GPR176: variants seen among roughly 807,000 people sequenced by gnomAD.
GPR176 encodes the protein G protein-coupled receptor 176.
In GPR176, 26 loss-of-function variants were observed where a neutral mutation model predicts 35.4. The ratio of observed to expected loss-of-function variants is 0.74; its 90% confidence interval spans 0.54 to 1.02. GPR176 has a LOEUF of 1.02. Among genes scored for constraint, GPR176 ranks in the 50% least tolerant of loss-of-function variants. The probability of loss-of-function intolerance (pLI) is 0.00; values close to 1 mark genes in which losing one functional copy is unlikely to be tolerated. For missense variants in GPR176, 597 were observed against 665.3 expected, an observed-to-expected ratio of 0.90 and a Z score of 1.13; for synonymous variants, 278 against 271.3, an observed-to-expected ratio of 1.02 and a Z score of -0.24.
At position 39,801,502 on chromosome 15, in the gene GPR176, T is replaced by G. The variant is rs1439206708; in HGVS notation, c.1178A>C (p.Lys393Thr). 1 of 1,614,056 alleles carries G rather than the reference T, an allele frequency of 6.2e-7. No homozygotes were observed. The highest frequency in any genetic ancestry group is 8.5e-7 in the Non-Finnish European group (1 of 1,180,018). The change falls in exon 3 of 3, where the codon AAG (lysine) becomes ACG (threonine). Residue 393 changes from lysine to threonine, a missense_variant. Physicochemically the swap from Lys to Thr is moderately conservative, Grantham distance 78 (BLOSUM62 -1). This residue lies in a region of GPR176 where 251 missense variants were observed against 255.4 expected (regional missense o/e 0.98). Transcript: ENST00000561100. ...PTEDEEESEA[K>T]YIGSADFQAK... The stretch of plus-strand genomic sequence containing the variant: ...CTGGAAGTCAGCTGAGCCAATGTAC[T>G]TGGCCTCACTCTCTTCCTCATCCTC...
intron 1 of GPR176, among the ~76,000 whole-genome samples, chr15:39,893,720 G>A (rs2032964612): frequency 6.6e-6 from 1 of 150,856 alleles, no homozygotes; most frequent in Admixed American, 6.6e-5. Context: ...GGGGCGGCTG[G>A]CCGGGCGGGG....
intron 1 of GPR176, among the ~76,000 whole-genome samples, chr15:39,895,057 G>C (rs572983967): frequency 2.0e-5 from 3 of 152,310 alleles, no homozygotes; most frequent in Non-Finnish European, 2.9e-5. Flanking sequence ...AGCGAAACCC[G>C]GTCTCCACCA....
chr15:39,857,812 C>A (rs1287758413), intron 1 of GPR176, among the ~76,000 whole-genome samples: 3 of 149,588 alleles, frequency 2.0e-5, no homozygotes, highest in Non-Finnish European at 3.0e-5. Flanking sequence ...ACTAAAAATA[C>A]AAAAAAAAAT....
intron 1 of GPR176, among the ~76,000 whole-genome samples, chr15:39,821,071 G>A (rs576763045): frequency 9.9e-5 from 15 of 152,106 alleles, no homozygotes; most frequent in East Asian, 1.9e-4. Flanking sequence ...CAGAGAATTC[G>A]CCTAACATTT....
intron 1 of GPR176, among the ~76,000 whole-genome samples, chr15:39,870,083 C>T (rs1470168093): frequency 6.6e-6 from 1 of 152,144 alleles, no homozygotes; most frequent in Non-Finnish European, 1.5e-5. Context: ...TGTTTCCTTG[C>T]TGTTCTGCTT....
At chr15:39,860,260 C>T (rs1488097152) in intron 1 of GPR176, among the ~76,000 whole-genome samples, 2 of 152,192 alleles carry the variant, frequency 1.3e-5, no homozygotes, top group African/African-American at 4.8e-5. Flanking sequence ...TGGTAAAGGC[C>T]GGGGTTCAGG....
intron 1 of GPR176, among the ~76,000 whole-genome samples, chr15:39,907,271 G>C (rs144994161): frequency 1.3e-5 from 2 of 152,154 alleles, no homozygotes; most frequent in Non-Finnish European, 2.9e-5. Context: ...CCTCTTGCTC[G>C]GTGCCTTCTG....
At chr15:39,888,725 T>C (rs1476579300) in intron 1 of GPR176, among the ~76,000 whole-genome samples, 2 of 152,150 alleles carry the variant, frequency 1.3e-5, no homozygotes, top group Non-Finnish European at 2.9e-5. Context: ...ACCATCAGAG[T>C]AGCCTCATCA....
chr15:39,859,144 T>C (rs1466478117), intron 1 of GPR176, among the ~76,000 whole-genome samples: 2 of 152,106 alleles, frequency 1.3e-5, no homozygotes, highest in African/African-American at 4.8e-5. Context: ...AGAAAAATCT[T>C]TAAAAGATTA....
chr15:39,911,803 A>T (rs2140878373), intron 1 of GPR176, among the ~76,000 whole-genome samples: 1 of 152,304 alleles, frequency 6.6e-6, no homozygotes, highest in African/African-American at 2.4e-5. Context: ...TTCATGATAC[A>T]ATTTTAGTAG....
intron 1 of GPR176, among the ~76,000 whole-genome samples, chr15:39,913,822 A>G (rs2033646299): frequency 6.6e-6 from 1 of 152,168 alleles, no homozygotes; most frequent in Non-Finnish European, 1.5e-5. Context: ...CAAGGCAGGC[A>G]GATCACAAGG....
At chr15:39,835,610 C>G (rs1053516894) in intron 1 of GPR176, among the ~76,000 whole-genome samples, 15 of 152,196 alleles carry the variant, frequency 9.9e-5, no homozygotes, top group African/African-American at 3.4e-4. Flanking sequence ...GCTAGAGCTC[C>G]AGCAAAATAT....
chr15:39,920,171 A>C lies in GPR176; in HGVS notation c.-145T>G. 2.0e-6 allele frequency: 1 copy of C among 488,942 alleles called. No homozygotes were observed. The highest frequency in any genetic ancestry group is 2.0e-5 in the African/African-American group (1 of 50,254). The allele number at this position is 488,942 out of a possible 1,614,324, so 30.3% of individuals were successfully genotyped here. On this transcript the variant is annotated 5_prime_UTR_variant, in exon 1 of 3. Transcript: ENST00000561100. ...AGCCGACGGGTCCCCTCACGTCTCC[A>C]CATCGCCAACCCCGGCGCCCGGGAG...
intron 1 of GPR176, among the ~76,000 whole-genome samples, chr15:39,820,372 G>A (rs1170009170): frequency 6.6e-6 from 1 of 152,156 alleles, no homozygotes; most frequent in East Asian, 1.9e-4. Flanking sequence ...ATGAGTTATA[G>A]CTCACAGGCC....
chr15:39,913,913 GT>G (rs1052560817), intron 1 of GPR176, among the ~76,000 whole-genome samples: 1 of 152,156 alleles, frequency 6.6e-6, no homozygotes, highest in Non-Finnish European at 1.5e-5. Flanking sequence ...GGGCATGGTG[GT>G]GGGTGCCTGT....
intron 1 of GPR176, among the ~76,000 whole-genome samples, chr15:39,893,105 T>A (rs543459554): frequency 3.7e-4 from 56 of 150,916 alleles, no homozygotes; most frequent in Admixed American, 6.6e-4. Flanking sequence ...CTTTTTTTTT[T>A]AAATTTATTT....
chr15:39,845,988 C>T (rs2030397076), intron 1 of GPR176, among the ~76,000 whole-genome samples: 1 of 152,144 alleles, frequency 6.6e-6, no homozygotes, highest in African/African-American at 2.4e-5. Flanking sequence ...CAAGGTTGTG[C>T]CCTGTGGGCC....
chr15:39,878,229 A>G (rs1037036666), intron 1 of GPR176, among the ~76,000 whole-genome samples: 1 of 151,658 alleles, frequency 6.6e-6, no homozygotes, highest in Admixed American at 6.6e-5. Flanking sequence ...TCTCCAGAAC[A>G]TATTAATCCT....
At chr15:39,822,944 A>G (rs1900375043) in intron 1 of GPR176, among the ~76,000 whole-genome samples, 1 of 152,206 alleles carries the variant, frequency 6.6e-6, no homozygotes, top group Admixed American at 6.5e-5. Flanking sequence ...GGTAGCATTT[A>G]CCTTTAGCCT....
Sources: allele counts gnomAD v4.1 joint callset (sites outside exome capture counted in the v4.1 genomes callset), GRCh38; gene constraint gnomAD v4.1.1; regional missense constraint gnomAD v4.1.1; transcripts MANE v1.5; gene names NCBI Gene and HGNC (gene_info 2026-07-23, HGNC 2026-07-21).